LOXL3: variants seen among roughly 807,000 people sequenced by gnomAD.
The protein encoded by LOXL3 is lysyl oxidase homolog 3.
A neutral mutation model predicts 91.8 loss-of-function variants in LOXL3; 60 were observed. The observed-to-expected ratio is 0.65, with a 90% CI of 0.53 to 0.81. The LOEUF (loss-of-function observed/expected upper bound fraction) is 0.81. Among genes scored for constraint, LOXL3 ranks in the 30% least tolerant of loss-of-function variants. The pLI is 0.00. For synonymous variants in LOXL3, 355 were observed against 387.6 expected (o/e 0.92, Z 0.99); for missense variants, 874 against 1,000.4 (o/e 0.87, Z 1.70).
rs1675720999 is a variant in LOXL3, at chr2:74,532,866, A to G, written c.*740T>C. 1.5e-5 allele frequency: 25 copies of G among 1,613,976 alleles called. No homozygotes were observed. The highest frequency in any genetic ancestry group is 2.0e-5 in the Non-Finnish European group (24 of 1,180,022). Reference sequence around the variant, plus strand: ...TGTGATTTTGGCCATTGGGGAGCAGATGGTACAAAATGCTGAAGATGTTTA... The same window carrying G: ...TGTGATTTTGGCCATTGGGGAGCAGGTGGTACAAAATGCTGAAGATGTTTA... On this transcript the variant is annotated 3_prime_UTR_variant, in exon 14 of 14. Coordinates refer to ENST00000264094, the MANE Select transcript of LOXL3 (RefSeq NM_032603.5).
At chr2:74,538,241 T>C (rs1048720369) in intron 4 of LOXL3, among the ~76,000 whole-genome samples, 3 of 152,198 alleles carry the variant, frequency 2.0e-5, no homozygotes, top group Non-Finnish European at 4.4e-5. Context: ...AATGGCAGTG[T>C]GTACTTTAAT....
Position 74,535,719 on chromosome 2 carries a change from G to A in LOXL3, c.1285C>T (p.Arg429Ter), listed in dbSNP as rs144818330. ...GGTCCCCCTATTTGCACCTCGACTC[G>A]CCCCTCATGTTGGCTGCGGCCCCCA... ...LSGGRSQHEG[R>*]VEVQIGGPGP... The change falls in exon 8 of 14, where the codon CGA becomes TGA. Residue 429 changes from arginine (R) to a stop codon, truncating the protein, a stop_gained. Transcript: ENST00000264094. LOFTEE classifies it high-confidence loss of function. The surrounding 1 kb of genome is among the most constrained non-coding windows in gnomAD (Gnocchi z 4.2). 12 of 1,595,002 alleles carry A rather than the reference G, an allele frequency of 7.5e-6. No homozygotes were observed. Among genetic ancestry groups the A allele is most frequent in the African/African-American group, 5.4e-5 (4 of 73,642 alleles).
chr2:74,550,457 T>G, intron 2 of LOXL3, 109 bp from the exon 3 acceptor site: 59 of 1,142,600 alleles, frequency 5.2e-5, no homozygotes, highest in Non-Finnish European at 7.2e-5. Flanking sequence ...GCCATGATGA[T>G]CCCATCTTTC....
At position 74,534,000 on chromosome 2, in the gene LOXL3, G is replaced by C; in HGVS notation, c.2077-7C>G. On this transcript the variant is annotated splice_polypyrimidine_tract_variant and splice_region_variant and intron_variant, in intron 12 of 13. Transcript: ENST00000264094. ...AGTTTGGGTTGATGACAACCTGTGAGTGAGAAAAAGGCCACTTAACCCAGC... is the reference window on the plus strand; with the variant it reads ...AGTTTGGGTTGATGACAACCTGTGACTGAGAAAAAGGCCACTTAACCCAGC... 4 of 1,613,284 alleles carry C rather than the reference G, an allele frequency of 2.5e-6. No individual in the cohort carries two copies. The highest frequency in any genetic ancestry group is 3.4e-6 in the Non-Finnish European group (4 of 1,179,346).
At chr2:74,554,774 A>G, upstream of LOXL3, 1 of 1,613,956 alleles carries the variant, frequency 6.2e-7, no homozygotes, top group Non-Finnish European at 8.5e-7. This position sits in a 1 kb window ranked among gnomAD's most constrained non-coding sequence, Gnocchi z 4.9. Flanking sequence ...GCAGTGATGG[A>G]AGGGCCGCTT....
intron 2 of LOXL3, among the ~76,000 whole-genome samples, chr2:74,550,931 C>A (rs1179217431): frequency 6.6e-6 from 1 of 151,456 alleles, no homozygotes; most frequent in Non-Finnish European, 1.5e-5. Context: ...CTGTCTGAAA[C>A]CTGTTTTTTT....
chr2:74,552,990 G>T (rs1336817558), intron 1 of LOXL3: 2 of 251,508 alleles, frequency 8.0e-6, no homozygotes, highest in Non-Finnish European at 1.5e-5. Flanking sequence ...TGAGAGGAAG[G>T]GAGACTGTGG....
chr2:74,540,887 C>G (rs1361837968), intron 4 of LOXL3, among the ~76,000 whole-genome samples: 5 of 152,118 alleles, frequency 3.3e-5, no homozygotes, highest in African/African-American at 4.8e-5. Flanking sequence ...TCATCTCAAA[C>G]TTCTGAGCCC....
intron 4 of LOXL3, chr2:74,539,708 G>A (rs1676210517): frequency 6.6e-6 from 1 of 152,548 alleles, no homozygotes; most frequent in African/African-American, 2.4e-5. Flanking sequence ...TTGGGTTCTG[G>A]GATGGACATG....
chr2:74,554,811 C>T (rs759968687), upstream of LOXL3: 2 of 1,614,096 alleles, frequency 1.2e-6, no homozygotes, highest in Middle Eastern at 1.6e-4. The surrounding 1 kb of genome is among the most constrained non-coding windows in gnomAD (Gnocchi z 4.9). Context: ...GCTTTGGGAC[C>T]AAGGTAGTCT....
intron 4 of LOXL3, among the ~76,000 whole-genome samples, chr2:74,540,778 C>G (rs1199612512): frequency 6.6e-6 from 1 of 150,978 alleles, no homozygotes; most frequent in Admixed American, 6.6e-5. Context: ...GTGATTCTCC[C>G]ACCTCAGCCT....
At chr2:74,544,308 CAAACAAACA>C (rs1676488566) in intron 4 of LOXL3, among the ~76,000 whole-genome samples, 1 of 151,236 alleles carries the variant, frequency 6.6e-6, no homozygotes, top group African/African-American at 2.5e-5. Context: ...CTCAAAAAAA[CAAACAAACA>C]AAACAAACAA....
rs1357874197 is a variant in LOXL3 at position 74,533,677 on chromosome 2, C to T, written c.2191G>A (p.Asp731Asn). ...CTGTTGGCCTCTTCACTGAAGGCATCACCTGCAGAGTGGACAGGCAATTTG... is the reference window on the plus strand; with the variant it reads ...CTGTTGGCCTCTTCACTGAAGGCATTACCTGCAGAGTGGACAGGCAATTTG... ...RIWVHNCHIGDAFSEEANRRF... is the reference protein window; with the variant it reads ...RIWVHNCHIGNAFSEEANRRF... Residue 731 changes from aspartate (D) to asparagine (N), a missense_variant and splice_region_variant, in exon 14 of 14, where the codon GAT (aspartate) becomes AAT (asparagine). Transcript: ENST00000264094. 5.0e-6 allele frequency: 8 copies of T among 1,613,948 alleles called. No individual in the cohort carries two copies. Among genetic ancestry groups the T allele is most frequent in the Non-Finnish European group, 6.8e-6 (8 of 1,179,952 alleles).
In LOXL3 at chr2:74,533,584, G is replaced by T. The variant is rs201277454; in HGVS notation, c.*22C>A. 1 of 1,611,668 alleles carries T rather than the reference G, an allele frequency of 6.2e-7. No homozygotes were observed. The highest frequency in any genetic ancestry group is 1.3e-5 in the African/African-American group (1 of 74,838). ...ACCCCTGCCATTAGGGGCCAGTGGT[G>T]GTTTGCAGAGGGCAGTGGCACTTAG... On this transcript the variant is annotated 3_prime_UTR_variant, in exon 14 of 14. Transcript: ENST00000264094.
At position 74,533,426 on chromosome 2, in the gene LOXL3, G is replaced by C; in HGVS notation, c.*180C>G. 1.7e-6 allele frequency: 1 copy of C among 605,484 alleles called. No individual in the cohort carries two copies. The highest frequency in any genetic ancestry group is 2.9e-6 in the Non-Finnish European group (1 of 341,196). The allele number at this position is 605,484 out of a possible 1,614,324, so 37.5% of individuals were successfully genotyped here. Reference sequence around the variant, plus strand: ...GCAAAGATTCCCATGCTTGGCTACAGATACTGACAGCTGGCCTCTGAAGGA... The same window carrying C: ...GCAAAGATTCCCATGCTTGGCTACACATACTGACAGCTGGCCTCTGAAGGA... On this transcript the variant is annotated 3_prime_UTR_variant, in exon 14 of 14. Coordinates refer to ENST00000264094, the MANE Select transcript of LOXL3 (RefSeq NM_032603.5).
chr2:74,549,187 C>A lies in LOXL3; in HGVS notation c.692+182G>T. On this transcript the variant is annotated intron_variant, in intron 4 of 13. Coordinates refer to ENST00000264094, the MANE Select transcript of LOXL3 (RefSeq NM_032603.5). This position sits in a 1 kb window ranked among gnomAD's most constrained non-coding sequence, Gnocchi z 5.3. ...CCCCATTTCAGGTACTCCCTTGGGGCACCTTTCGTGGTCCCACAAGATTTC... is the reference window on the plus strand; with the variant it reads ...CCCCATTTCAGGTACTCCCTTGGGGAACCTTTCGTGGTCCCACAAGATTTC... 1 of 628,862 alleles carries A rather than the reference C, an allele frequency of 1.6e-6. No individual in the cohort carries two copies. Among genetic ancestry groups the A allele is most frequent in the South Asian group, 2.6e-5 (1 of 38,748 alleles). 39.0% of individuals were successfully genotyped at this position (628,862 alleles called of 1,614,324 possible).
chr2:74,535,205 C>A lies in LOXL3; in HGVS notation c.1579+87G>T. ...CTGGCTCTTTTATGGGGAAGAAGTGCCCCTCCAGATTACAGCCCCCTTTCC... is the reference window on the plus strand; with the variant it reads ...CTGGCTCTTTTATGGGGAAGAAGTGACCCTCCAGATTACAGCCCCCTTTCC... On this transcript the variant is annotated intron_variant, in intron 9 of 13. Transcript: ENST00000264094. The surrounding 1 kb of genome is among the most constrained non-coding windows in gnomAD (Gnocchi z 4.2). 2.1e-6 allele frequency: 3 copies of A among 1,440,260 alleles called. No individual in the cohort carries two copies. Among genetic ancestry groups the A allele is most frequent in the Non-Finnish European group, 2.8e-6 (3 of 1,066,788 alleles). The allele number at this position is 1,440,260 out of a possible 1,614,324, so 89.2% of individuals were successfully genotyped here.
intron 4 of LOXL3, among the ~76,000 whole-genome samples, chr2:74,542,208 G>A (rs1243976614): frequency 1.3e-5 from 2 of 152,300 alleles, no homozygotes; most frequent in South Asian, 2.1e-4. Context: ...TGGGATGATC[G>A]CTTGAGCCCA....
At chr2:74,555,184 C>T, upstream of LOXL3, 4 of 1,613,264 alleles carry the variant, frequency 2.5e-6, no homozygotes, top group Non-Finnish European at 3.4e-6. The surrounding 1 kb of genome is among the most constrained non-coding windows in gnomAD (Gnocchi z 6.1). Context: ...CGTGCTCTAC[C>T]CGGCCAGTCC....
Sources: gnomAD v4.1 joint callset for allele counts (sites outside exome capture counted in the v4.1 genomes callset) on GRCh38, gnomAD v4.1.1 for gene constraint, Gnocchi (gnomAD v3.1) non-coding constraint, MANE v1.5 for transcripts, NCBI Gene and HGNC (gene_info 2026-07-23, HGNC 2026-07-21) for gene names.